The following SLCO1C1 variants were observed in gnomAD, a reference collection of about 807,000 sequenced individuals.
The protein encoded by SLCO1C1 is OAT-RP-5.
A neutral mutation model predicts 76.4 loss-of-function variants in SLCO1C1; 70 were observed. The ratio of observed to expected loss-of-function variants is 0.92; its 90% CI spans 0.76 to 1.12. The LOEUF (loss-of-function observed/expected upper bound fraction) is 1.12. Ranked by LOEUF, SLCO1C1 falls within the 50% of genes most tolerant of loss-of-function variation. The pLI is 0.00. For missense variants in SLCO1C1, 912 were observed against 823.8 expected (o/e 1.11, Z -1.31); for synonymous variants, 306 against 286.1 (o/e 1.07, Z -0.70).
intron 10 of SLCO1C1, 37 bp downstream of exon 10, chr12:20,733,141 T>C: frequency 6.7e-7 from 1 of 1,486,354 alleles, no homozygotes; most frequent in Non-Finnish European, 8.9e-7. Context: ...GGATATTGGT[T>C]TGTTTAATTA....
At chr12:20,730,280 A>G (rs190916548) in intron 9 of SLCO1C1, among the ~76,000 whole-genome samples, 1 of 152,212 alleles carries the variant, frequency 6.6e-6, no homozygotes, top group East Asian at 1.9e-4. Context: ...ATAGTCAGGT[A>G]CTATGTTTTA....
chr12:20,699,818 T>A, intron 2 of SLCO1C1, 113 bp downstream of exon 2: 2 of 1,140,592 alleles, frequency 1.8e-6, no homozygotes, highest in Non-Finnish European at 2.4e-6. Flanking sequence ...AAAAAAAAGA[T>A]CTTAGATGCA....
chr12:20,736,707 GCA>G (rs1212348306), intron 10 of SLCO1C1, among the ~76,000 whole-genome samples: 2 of 151,966 alleles, frequency 1.3e-5, no homozygotes, highest in Admixed American at 1.3e-4. Flanking sequence ...AATGAAATTT[GCA>G]CACACACAAC....
At chr12:20,726,230 T>A (rs1387732390) in intron 9 of SLCO1C1, among the ~76,000 whole-genome samples, 1 of 150,770 alleles carries the variant, frequency 6.6e-6, no homozygotes, top group African/African-American at 2.5e-5. Context: ...TTTCTTCTTC[T>A]ATTCAACCTC....
At chr12:20,701,202 G>A in intron 2 of SLCO1C1, 116 bp from the exon 3 acceptor site, 2 of 1,046,370 alleles carry the variant, frequency 1.9e-6, no homozygotes, top group Non-Finnish European at 2.6e-6. Flanking sequence ...TGATAATAAA[G>A]TTGATATTAT....
chr12:20,750,815 G>A (rs375039592), intron 14 of SLCO1C1, 23 bp downstream of exon 14: 56 of 1,613,762 alleles, frequency 3.5e-5, no homozygotes, highest in Non-Finnish European at 4.2e-5. Flanking sequence ...AAGCATTCCC[G>A]CATCTCATTG....
chr12:20,717,929 AAAC>A (rs565825760), intron 7 of SLCO1C1, among the ~76,000 whole-genome samples: 2 of 151,992 alleles, frequency 1.3e-5, no homozygotes, highest in Non-Finnish European at 2.9e-5. Context: ...AGCGTCACTT[AAAC>A]AACAAACATG....
intron 5 of SLCO1C1, among the ~76,000 whole-genome samples, chr12:20,712,582 C>G (rs963613773): frequency 6.6e-6 from 1 of 152,220 alleles, no homozygotes; most frequent in African/African-American, 2.4e-5. Context: ...ACCCCTACTC[C>G]TAACCGGAGG....
intron 6 of SLCO1C1, among the ~76,000 whole-genome samples, chr12:20,716,181 C>T (rs1947352402): frequency 6.6e-6 from 1 of 152,154 alleles, no homozygotes; most frequent in African/African-American, 2.4e-5. Flanking sequence ...GCTGGTTACA[C>T]CTGAATAGGC....
intron 4 of SLCO1C1, 116 bp from the exon 5 acceptor site, chr12:20,711,270 G>GT: frequency 1.7e-6 from 2 of 1,199,068 alleles, no homozygotes; most frequent in Non-Finnish European, 2.3e-6. Flanking sequence ...GGTGAATTAG[G>GT]TTCAGAGACA....
intron 9 of SLCO1C1, among the ~76,000 whole-genome samples, chr12:20,729,011 T>C (rs1467777651): frequency 6.6e-6 from 1 of 152,202 alleles, no homozygotes; most frequent in Non-Finnish European, 1.5e-5. Context: ...CTAGTGTAAA[T>C]TAATATTTCC....
chr12:20,699,916 GC>G (rs561232185), intron 2 of SLCO1C1: 1 of 398,184 alleles, frequency 2.5e-6, no homozygotes, highest in Non-Finnish European at 4.3e-6. Flanking sequence ...TCATTTAAAT[GC>G]CCCCCCAAAC....
intron 11 of SLCO1C1, among the ~76,000 whole-genome samples, chr12:20,739,388 G>GTTT (rs58047375): frequency 6.7e-6 from 1 of 148,326 alleles, no homozygotes; most frequent in African/African-American, 2.5e-5. Context: ...GATGGGAGTT[G>GTTT]TTTTTTTTTG....
intron 6 of SLCO1C1, among the ~76,000 whole-genome samples, chr12:20,716,770 T>C (rs1947377144): frequency 6.6e-6 from 1 of 152,226 alleles, no homozygotes; most frequent in African/African-American, 2.4e-5. Flanking sequence ...TATGCTTAAC[T>C]GAACGTAAAA....
At chr12:20,743,273 A>G in intron 12 of SLCO1C1, 32 bp from the exon 13 acceptor site, 1 of 1,599,142 alleles carries the variant, frequency 6.3e-7, no homozygotes, top group South Asian at 1.1e-5. Flanking sequence ...TGGATTATAT[A>G]TTTCTTGTAA....
At chr12:20,727,299 C>T (rs1948063372) in intron 9 of SLCO1C1, among the ~76,000 whole-genome samples, 1 of 152,208 alleles carries the variant, frequency 6.6e-6, no homozygotes, top group Non-Finnish European at 1.5e-5. Flanking sequence ...AATAGCTGGA[C>T]TGATTTACAT....
chr12:20,744,690 GAA>G, intron 13 of SLCO1C1, among the ~76,000 whole-genome samples: 1 of 152,144 alleles, frequency 6.6e-6, no homozygotes, highest in South Asian at 2.1e-4. Flanking sequence ...TTGCTGTTGG[GAA>G]AATGATGTTC....
At chr12:20,698,197 TTTG>T (rs1458760710) in intron 1 of SLCO1C1, among the ~76,000 whole-genome samples, 1 of 152,054 alleles carries the variant, frequency 6.6e-6, no homozygotes, top group Non-Finnish European at 1.5e-5. Flanking sequence ...TATTTATATC[TTTG>T]TTTTTTGTCT....
intron 12 of SLCO1C1, among the ~76,000 whole-genome samples, chr12:20,740,783 TTATTTATATATATATA>T (rs1247945942): frequency 5.6e-5 from 3 of 53,994 alleles, no homozygotes; most frequent in Non-Finnish European, 9.1e-5. Context: ...AGAATTTATT[TTATTTATATATATATA>T]TATATATATA....
Sources: gnomAD v4.1 joint callset for allele counts (sites outside exome capture counted in the v4.1 genomes callset) on GRCh38, gnomAD v4.1.1 for gene constraint, MANE v1.5 for transcripts, NCBI Gene and HGNC (gene_info 2026-07-23, HGNC 2026-07-21) for gene names.